The following NELL1 variants were observed in gnomAD, a reference collection of about 807,000 sequenced individuals.
The protein encoded by NELL1 is protein kinase C-binding protein NELL1.
Under a neutral mutation model 107.4 loss-of-function variants are expected in NELL1, and 76 were observed. That is an observed-to-expected ratio of 0.71 (90% CI 0.59 to 0.86). The LOEUF (loss-of-function observed/expected upper bound fraction) is 0.86. NELL1 is among the 40% of genes least tolerant of loss of function. The probability of loss-of-function intolerance (pLI) is 0.00; values close to 1 mark genes in which losing one functional copy is unlikely to be tolerated. For missense variants in NELL1, 1,024 were observed against 1,005.5 expected, an observed-to-expected ratio of 1.02 and a Z score of -0.25; for synonymous variants, 353 against 341.2, an observed-to-expected ratio of 1.03 and a Z score of -0.38.
intron 12 of NELL1, among the ~76,000 whole-genome samples, chr11:21,051,632 T>C (rs1303463523): frequency 6.6e-6 from 1 of 152,174 alleles, no homozygotes; most frequent in Non-Finnish European, 1.5e-5. Context: ...TGGCCTCCCA[T>C]CTATGGGACA....
At chr11:20,686,631 G>T (rs1266044517) in intron 2 of NELL1, among the ~76,000 whole-genome samples, 1 of 152,148 alleles carries the variant, frequency 6.6e-6, no homozygotes, top group Non-Finnish European at 1.5e-5. Flanking sequence ...CATTTGCCTT[G>T]TTCGAACATT....
intron 5 of NELL1, among the ~76,000 whole-genome samples, chr11:20,909,351 T>C (rs75173896): frequency 0.028 from 4,231 of 152,290 alleles, 65 homozygotes; most frequent in Middle Eastern, 0.048. Context: ...AACAGGTAGC[T>C]TGGTCCTATT....
chr11:21,062,659 G>C (rs557914900), intron 12 of NELL1, among the ~76,000 whole-genome samples: 7 of 152,194 alleles, frequency 4.6e-5, no homozygotes, highest in Admixed American at 3.3e-4. Context: ...AAGCTAAAGG[G>C]CACATTCCAC....
chr11:20,970,557 T>A (rs1417257982), intron 12 of NELL1, among the ~76,000 whole-genome samples: 1 of 152,086 alleles, frequency 6.6e-6, no homozygotes, highest in East Asian at 1.9e-4. Context: ...CCAATAGGAG[T>A]CAGCACAGGC....
intron 2 of NELL1, among the ~76,000 whole-genome samples, chr11:20,763,165 G>A (rs1564898685): frequency 2.0e-5 from 3 of 152,046 alleles, no homozygotes; most frequent in Admixed American, 6.5e-5. Context: ...TTCGGCGTGA[G>A]GTATTTATTT....
chr11:20,952,204 T>C (rs548215716), intron 11 of NELL1, among the ~76,000 whole-genome samples: 3 of 152,304 alleles, frequency 2.0e-5, no homozygotes, highest in African/African-American at 4.8e-5. Flanking sequence ...ATCTTTAATG[T>C]TGCCAATGAC....
At chr11:21,128,665 C>A (rs1565074283) in intron 13 of NELL1, among the ~76,000 whole-genome samples, 1 of 152,114 alleles carries the variant, frequency 6.6e-6, no homozygotes, top group Non-Finnish European at 1.5e-5. Flanking sequence ...AGAGGCAGAC[C>A]TTATCCCTTA....
rs1019975725 is a variant in NELL1 at position 21,278,795 on chromosome 11, T to C, written c.1549+49341T>C. 2.6e-5 allele frequency among the ~76,000 whole-genome samples: 4 copies of C among 152,232 alleles called. No individual in the cohort carries two copies. In the South Asian group the frequency reaches 6.2e-4, roughly 24 times the overall value. On this transcript the variant is annotated intron_variant, in intron 14 of 19. Transcript: ENST00000357134. ...ATTGATAAACTGATTCCAAAGTTTA[T>C]ATGGACAGACAAAGACTCAGAATAA... is the stretch of plus-strand genomic sequence containing the variant.
In NELL1 at chr11:20,825,559, T is replaced by C. The variant is rs553717933; in HGVS notation, c.336-22024T>C. 2.0e-4 allele frequency among the ~76,000 whole-genome samples: 31 copies of C among 151,404 alleles called. 1 individual carries two copies. The highest frequency in any genetic ancestry group is 4.1e-4 in the African/African-American group (17 of 41,488). On this transcript the variant is annotated intron_variant, in intron 3 of 19. Coordinates refer to ENST00000357134, the MANE Select transcript of NELL1 (RefSeq NM_006157.5). ...GCTTTAAGATTTGATTATTGCCTCA[T>C]TGGATTTCGAACTTGCATGGGCCTG...
chr11:21,495,671 T>C (rs1011753880), intron 15 of NELL1, among the ~76,000 whole-genome samples: 6 of 152,230 alleles, frequency 3.9e-5, no homozygotes, highest in African/African-American at 9.6e-5. Flanking sequence ...CCTATACTTG[T>C]TATTATCTCA....
At chr11:21,364,203 G>T (rs1851155691) in intron 14 of NELL1, among the ~76,000 whole-genome samples, 1 of 152,038 alleles carries the variant, frequency 6.6e-6, no homozygotes, top group Non-Finnish European at 1.5e-5. Context: ...AAGGTCAGGA[G>T]ATCGAGACCA....
intron 12 of NELL1, among the ~76,000 whole-genome samples, chr11:20,963,490 G>T (rs912238636): frequency 1.3e-5 from 2 of 151,450 alleles, no homozygotes; most frequent in Admixed American, 1.3e-4. Flanking sequence ...ACAAAATAGG[G>T]TTTTAACCCT....
chr11:21,467,880 CA>C (rs1457646539), intron 15 of NELL1, among the ~76,000 whole-genome samples: 2 of 151,912 alleles, frequency 1.3e-5, no homozygotes, highest in African/African-American at 2.4e-5. Flanking sequence ...TGAGAAGAAA[CA>C]AGAATTTTCT....
intron 12 of NELL1, among the ~76,000 whole-genome samples, chr11:21,017,616 G>A (rs548073125): frequency 5.3e-4 from 80 of 151,982 alleles, no homozygotes; most frequent in Non-Finnish European, 1.0e-3. Flanking sequence ...CATACCTGAA[G>A]CTCTTTGAAC....
At chr11:21,046,434 T>G (rs1465560490) in intron 12 of NELL1, among the ~76,000 whole-genome samples, 1 of 152,166 alleles carries the variant, frequency 6.6e-6, no homozygotes, top group African/African-American at 2.4e-5. Flanking sequence ...TATAATGTGT[T>G]CTGTGCAGGC....
intron 3 of NELL1, among the ~76,000 whole-genome samples, chr11:20,812,126 G>T (rs1189895800): frequency 6.6e-6 from 1 of 151,972 alleles, no homozygotes; most frequent in African/African-American, 2.4e-5. Flanking sequence ...TACCTAATTT[G>T]TTGAGAATTT....
chr11:20,909,758 A>T (rs1278605348), intron 5 of NELL1, among the ~76,000 whole-genome samples: 1 of 152,140 alleles, frequency 6.6e-6, no homozygotes, highest in Non-Finnish European at 1.5e-5. Context: ...TTCCTTGAAC[A>T]TAACAGGGCC....
chr11:21,305,116 T>C (rs1590820965), intron 14 of NELL1, among the ~76,000 whole-genome samples: 1 of 152,132 alleles, frequency 6.6e-6, no homozygotes, highest in South Asian at 2.1e-4. Flanking sequence ...ACCAAAATTC[T>C]AGGAGTGCAA....
chr11:20,844,755 G>T (rs894391866), intron 3 of NELL1, among the ~76,000 whole-genome samples: 34 of 152,332 alleles, frequency 2.2e-4, no homozygotes, highest in African/African-American at 7.5e-4. Flanking sequence ...CATAGAACAT[G>T]AATCATCTGG....
Sources: gnomAD v4.1 joint callset for allele counts (sites outside exome capture counted in the v4.1 genomes callset) on GRCh38, gnomAD v4.1.1 for gene constraint, MANE v1.5 for transcripts, NCBI Gene and HGNC (gene_info 2026-07-23, HGNC 2026-07-21) for gene names.